Variants in ADAMTSL3 observed in about 807,000 individuals in gnomAD.
ADAMTSL3 encodes the protein ADAMTS-like protein 3.
ADAMTSL3 carries 128 observed loss-of-function variants against 201.7 expected under a neutral mutation model. The observed-to-expected ratio is 0.63, with a 90% CI of 0.55 to 0.73. The LOEUF (loss-of-function observed/expected upper bound fraction) is 0.73, where lower values mean the gene tolerates loss of function less well. ADAMTSL3 is among the 30% of genes least tolerant of loss of function. The pLI, the probability that ADAMTSL3 is intolerant of heterozygous loss-of-function variation, is 0.00. For synonymous variants in ADAMTSL3, 738 were observed against 748.4 expected (o/e 0.99, Z 0.23); for missense variants, 1,990 against 2,119.6 (o/e 0.94, Z 1.20).
chr15:83,842,743 A>G, intron 7 of ADAMTSL3, among the ~76,000 whole-genome samples: 1 of 152,330 alleles, frequency 6.6e-6, no homozygotes, highest in South Asian at 2.1e-4. Context: ...ATCAGTGAAC[A>G]CAGTTTGAAG....
intron 19 of ADAMTSL3, among the ~76,000 whole-genome samples, chr15:83,967,862 C>T (rs1172140323): frequency 6.6e-6 from 1 of 152,132 alleles, no homozygotes; most frequent in East Asian, 1.9e-4. Flanking sequence ...AGAACAGAGG[C>T]CTCAGAAATC....
chr15:84,014,544 G>A lies in ADAMTSL3; in HGVS notation c.3976G>A (p.Val1326Ile), dbSNP rs200230187. The change falls in exon 24 of 30, where the codon GTC (valine) becomes ATC (isoleucine). Residue 1326 changes from valine (V) to isoleucine (I), a missense_variant and splice_region_variant. Transcript: ENST00000286744. ...TCATATTTGTTTTTGTTCCAAAGGT[G>A]TCCCTCAGCCTAATATAACTTGGTT... ...NVTIRCPVKG[V>I]PQPNITWLKR... 20 of 1,612,598 alleles carry A rather than the reference G, an allele frequency of 1.2e-5. No individual in the cohort carries two copies. The highest frequency in any genetic ancestry group is 1.4e-5 in the Non-Finnish European group (17 of 1,179,592).
intron 27 of ADAMTSL3, among the ~76,000 whole-genome samples, 175 bp from the exon 28 acceptor site, chr15:84,031,160 G>T (rs2068401695): frequency 6.6e-6 from 1 of 152,162 alleles, no homozygotes; most frequent in Non-Finnish European, 1.5e-5. Context: ...CTCTGAAAAA[G>T]AGGTGTCTGG....
At chr15:83,998,545 A>G (rs1209119753) in intron 23 of ADAMTSL3, among the ~76,000 whole-genome samples, 1 of 152,244 alleles carries the variant, frequency 6.6e-6, no homozygotes, top group Non-Finnish European at 1.5e-5. Context: ...TTACTTACGT[A>G]AAAGCTAATG....
chr15:83,677,966 A>G (rs933110765), intron 2 of ADAMTSL3, among the ~76,000 whole-genome samples: 3 of 146,142 alleles, frequency 2.1e-5, no homozygotes, highest in African/African-American at 5.1e-5. Flanking sequence ...GTCTCTCTCT[A>G]TTTCTCTCCC....
rs1567280904 is a variant in ADAMTSL3, at chr15:83,982,747, A to G, written c.3119A>G (p.Lys1040Arg). The G allele has an allele frequency of 1.9e-6, 3 of 1,614,022 alleles. No homozygotes were observed. The highest frequency in any genetic ancestry group is 2.7e-5 in the African/African-American group (2 of 74,938). Reference sequence around the variant, plus strand: ...AAAATGAGGCAAATGTGGAATAACAAAAATGACCTTTATCTGGATGATGAC... The same window carrying G: ...AAAATGAGGCAAATGTGGAATAACAGAAATGACCTTTATCTGGATGATGAC... ...WHKMRQMWNN[K>R]NDLYLDDDHI... is the part of the protein sequence containing the mutation. Residue 1040 changes from lysine (K) to arginine (R), a missense_variant, in exon 21 of 30, where the codon AAA becomes AGA. Physicochemically the swap from Lys to Arg is conservative, Grantham distance 26. Transcript: ENST00000286744.
In ADAMTSL3 at chr15:83,959,689, T is replaced by A. The variant is rs2066925340; in HGVS notation, c.2491-10795T>A. Among the ~76,000 whole-genome samples the A allele has an allele frequency of 1.3e-5, 2 of 152,218 alleles. 1 individual carries two copies. The highest frequency in any genetic ancestry group is 4.1e-4 in the South Asian group (2 of 4,832). On this transcript the variant is annotated intron_variant, in intron 19 of 29. Coordinates refer to ENST00000286744, the MANE Select transcript of ADAMTSL3 (RefSeq NM_207517.3). ...CAATCTATATTGTTCCCATGAGCAA[T>A]TCCTGAGGAATCCACGAGATGTCTA...
intron 8 of ADAMTSL3, among the ~76,000 whole-genome samples, chr15:83,865,404 C>T (rs1016239040): frequency 3.3e-5 from 5 of 152,112 alleles, no homozygotes; most frequent in African/African-American, 1.2e-4. Flanking sequence ...GGTACTGGTA[C>T]CAAAACAGAG....
intron 19 of ADAMTSL3, among the ~76,000 whole-genome samples, chr15:83,964,012 A>G (rs562096070): frequency 6.6e-5 from 10 of 152,314 alleles, no homozygotes; most frequent in African/African-American, 2.4e-4. Flanking sequence ...CCCCACTTGA[A>G]GGTCATCAAA....
Position 84,003,001 on chromosome 15 carries a change from G to A in ADAMTSL3, c.3974-11541G>A, listed in dbSNP as rs371287267. On this transcript the variant is annotated intron_variant, in intron 23 of 29. Transcript: ENST00000286744. ...TTCTTGCCCAAGCTGGAGTGCCACT[G>A]CAGTGCCATGCAGTGGCATGATCAT... Among the ~76,000 whole-genome samples the A allele has an allele frequency of 2.5e-4, 32 of 127,542 alleles. No individual in the cohort carries two copies. In the East Asian group the frequency reaches 5.0e-3, roughly 20 times the overall value. 83.7% of individuals were successfully genotyped at this position (127,542 alleles called of 152,430 possible). A position where few individuals can be genotyped will look rare whatever the true frequency, so the allele number is the denominator to read the frequency against.
In ADAMTSL3 at chr15:84,037,937, C is replaced by A; in HGVS notation, c.*131C>A. On this transcript the variant is annotated 3_prime_UTR_variant, in exon 30 of 30. Transcript: ENST00000286744. ...TCTATGGATCAAACAGAGGTTGATG[C>A]AAAAACACCACTGTTAAGGTGTAAA... The A allele has an allele frequency of 7.6e-7, 1 of 1,317,136 alleles. No homozygotes were observed. The highest frequency in any genetic ancestry group is 1.0e-6 in the Non-Finnish European group (1 of 997,876). 81.6% of individuals were successfully genotyped at this position (1,317,136 alleles called of 1,614,324 possible).
chr15:83,738,868 C>T (rs148983181), intron 3 of ADAMTSL3, among the ~76,000 whole-genome samples: 3 of 151,644 alleles, frequency 2.0e-5, no homozygotes, highest in East Asian at 1.9e-4. Flanking sequence ...TGCATTCCAG[C>T]CTGGGTGATG....
chr15:83,758,986 T>C (rs1313365696), intron 3 of ADAMTSL3, among the ~76,000 whole-genome samples: 1 of 152,194 alleles, frequency 6.6e-6, no homozygotes, highest in Admixed American at 6.5e-5. Context: ...TGGGATTTTG[T>C]AGGCACTGCT....
intron 19 of ADAMTSL3, among the ~76,000 whole-genome samples, chr15:83,953,373 G>C (rs1014649779): frequency 1.3e-4 from 19 of 151,116 alleles, no homozygotes; most frequent in Non-Finnish European, 1.3e-4. Flanking sequence ...TTAAACTGAT[G>C]ACAACTTAAC....
intron 19 of ADAMTSL3, among the ~76,000 whole-genome samples, chr15:83,960,448 C>T (rs926923663): frequency 6.6e-6 from 1 of 152,106 alleles, no homozygotes; most frequent in Non-Finnish European, 1.5e-5. Flanking sequence ...TGTGGCAGTC[C>T]TGAAAGGCCT....
intron 15 of ADAMTSL3, among the ~76,000 whole-genome samples, chr15:83,903,922 A>AGG (rs879439012): frequency 0.059 from 1,770 of 29,952 alleles, 300 homozygotes; most frequent in East Asian, 0.28. Flanking sequence ...CACATCAAAA[A>AGG]AAAAAAAAAA....
chr15:83,967,418 T>C (rs1323574048), intron 19 of ADAMTSL3, among the ~76,000 whole-genome samples: 2 of 152,118 alleles, frequency 1.3e-5, no homozygotes, highest in Non-Finnish European at 2.9e-5. Flanking sequence ...ATGAGTGAGC[T>C]CCCATTCACA....
intron 8 of ADAMTSL3, among the ~76,000 whole-genome samples, chr15:83,868,053 A>G (rs1043759487): frequency 6.6e-6 from 1 of 152,096 alleles, no homozygotes; most frequent in Non-Finnish European, 1.5e-5. Context: ...CCTCAATATT[A>G]AGTCTGGAGA....
chr15:84,021,125 T>G (rs1349990915), intron 25 of ADAMTSL3, among the ~76,000 whole-genome samples: 1 of 152,114 alleles, frequency 6.6e-6, no homozygotes, highest in Non-Finnish European at 1.5e-5. Context: ...GAGTGCCTCC[T>G]CTCTCTCTGG....
Sources: allele counts gnomAD v4.1 joint callset (sites outside exome capture counted in the v4.1 genomes callset), GRCh38; gene constraint gnomAD v4.1.1; transcripts MANE v1.5; gene names NCBI Gene and HGNC (gene_info 2026-07-23, HGNC 2026-07-21).